KAZN: variants seen among roughly 807,000 people sequenced by gnomAD.
The protein encoded by KAZN is kazrin, periplakin interacting protein.
In KAZN, 40 loss-of-function variants were observed where a neutral mutation model predicts 87.4. The ratio of observed to expected loss-of-function variants is 0.46; its 90% CI spans 0.36 to 0.60. The LOEUF is 0.60. Among genes scored for constraint, KAZN ranks in the 20% least tolerant of loss-of-function variants. The pLI, the probability that KAZN is intolerant of heterozygous loss-of-function variation, is 0.00. For synonymous variants in KAZN, 466 were observed against 458.3 expected, an observed-to-expected ratio of 1.02 and a Z score of -0.22; for missense variants, 898 against 1,073.9, an observed-to-expected ratio of 0.84 and a Z score of 2.29.
At chr1:14,729,701 A>T (rs1019101451) in intron 1 of KAZN, among the ~76,000 whole-genome samples, 3 of 152,176 alleles carry the variant, frequency 2.0e-5, no homozygotes, top group African/African-American at 7.2e-5. Context: ...CTCGAAATGG[A>T]GAATGAGAGA....
chr1:14,717,751 G>A (rs991295229), intron 1 of KAZN, among the ~76,000 whole-genome samples: 5 of 152,218 alleles, frequency 3.3e-5, no homozygotes, highest in Non-Finnish European at 5.9e-5. Context: ...CTGTGGGGCT[G>A]ACATGGAAGG....
chr1:14,518,538 C>T (rs1041256570), intron 2 of KAZN, among the ~76,000 whole-genome samples: 2 of 152,152 alleles, frequency 1.3e-5, no homozygotes, highest in Non-Finnish European at 2.9e-5. Flanking sequence ...TGATTAGAGT[C>T]CCAGGTGATG....
intron 13 of KAZN, 52 bp from the exon 14 acceptor site, chr1:15,112,369 GTGTGTC>G (rs1641666721): frequency 7.8e-6 from 5 of 641,892 alleles, no homozygotes; most frequent in South Asian, 1.6e-5. Flanking sequence ...GTGTGTGTGT[GTGTGTC>G]TGGGGAGCTG....
At chr1:13,944,532 A>C (rs1432819363) in intron 1 of KAZN, among the ~76,000 whole-genome samples, 2 of 152,240 alleles carry the variant, frequency 1.3e-5, no homozygotes, top group African/African-American at 4.8e-5. Flanking sequence ...GATATACCTG[A>C]ATAAAGTTGT....
At chr1:14,245,467 A>G (rs896077372) in intron 2 of KAZN, among the ~76,000 whole-genome samples, 1 of 152,130 alleles carries the variant, frequency 6.6e-6, no homozygotes, top group South Asian at 2.1e-4. Flanking sequence ...GCATGGATGT[A>G]CCATAATTTA....
intron 2 of KAZN, among the ~76,000 whole-genome samples, chr1:14,234,299 C>G (rs926598225): frequency 2.6e-5 from 4 of 151,246 alleles, no homozygotes; most frequent in Admixed American, 2.0e-4. Flanking sequence ...CAAACTAACA[C>G]AAGAACAGAA....
intron 1 of KAZN, among the ~76,000 whole-genome samples, chr1:14,742,534 G>A (rs950702994): frequency 1.7e-4 from 26 of 152,114 alleles, no homozygotes; most frequent in African/African-American, 3.9e-4. Flanking sequence ...CAGTTCATCC[G>A]CCAGCAATAA....
chr1:14,683,310 T>C (rs1336550674), intron 1 of KAZN, among the ~76,000 whole-genome samples: 1 of 152,214 alleles, frequency 6.6e-6, no homozygotes, highest in African/African-American at 2.4e-5. Flanking sequence ...AGTTACAGCC[T>C]GTCTCAAAGA....
chr1:14,389,033 G>C (rs964881462), intron 2 of KAZN, among the ~76,000 whole-genome samples: 1 of 152,122 alleles, frequency 6.6e-6, no homozygotes, highest in African/African-American at 2.4e-5. Context: ...GATTAAAAAT[G>C]GGCAAAAGAT....
intron 2 of KAZN, among the ~76,000 whole-genome samples, chr1:14,427,481 A>G (rs2101355951): frequency 6.6e-6 from 1 of 152,150 alleles, no homozygotes. Flanking sequence ...GCCAAAAGTA[A>G]AGGAAAGTAA....
chr1:15,067,503 T>G, intron 8 of KAZN: 2 of 985,448 alleles, frequency 2.0e-6, no homozygotes, highest in Non-Finnish European at 2.4e-6. Context: ...TTCTTTTGCT[T>G]CTGCTCGTCC....
chr1:14,543,844 A>C (rs1216494159), intron 2 of KAZN, among the ~76,000 whole-genome samples: 2 of 152,218 alleles, frequency 1.3e-5, no homozygotes, highest in African/African-American at 4.8e-5. Flanking sequence ...AATAAGGAAT[A>C]AGATTATTAG....
At chr1:14,028,329 C>T (rs1441980738) in intron 1 of KAZN, among the ~76,000 whole-genome samples, 2 of 152,120 alleles carry the variant, frequency 1.3e-5, no homozygotes, top group African/African-American at 2.4e-5. Flanking sequence ...TCAAATTGGG[C>T]GTGACAGAAA....
rs569384038 is a variant in KAZN, at chr1:14,551,049, T to C, written c.250-47934T>C. On this transcript the variant is annotated intron_variant, in intron 2 of 16. Transcript: ENST00000636203. ...ATCCAGCAAATGGCCTGGTTAGAAA[T>C]TGAAATGCAAATAGCTATACATGAA... 2.6e-5 allele frequency among the ~76,000 whole-genome samples: 4 copies of C among 152,142 alleles called. 1 individual carries two copies. Among genetic ancestry groups the C allele is most frequent in the African/African-American group, 9.6e-5 (4 of 41,506 alleles).
chr1:15,048,712 G>GGGTCGTCA, intron 4 of KAZN, among the ~76,000 whole-genome samples: 1 of 146,320 alleles, frequency 6.8e-6, no homozygotes, highest in Non-Finnish European at 1.5e-5. Flanking sequence ...CTTGGTCGTT[G>GGGTCGTCA]GTCCTGGGTC....
At chr1:15,034,313 G>T (rs1672029139) in intron 2 of KAZN, among the ~76,000 whole-genome samples, 1 of 152,220 alleles carries the variant, frequency 6.6e-6, no homozygotes, top group African/African-American at 2.4e-5. Flanking sequence ...CGGAAGAAAT[G>T]AGGCAGGAGG....
chr1:14,294,158 G>A (rs192309718), intron 2 of KAZN, among the ~76,000 whole-genome samples: 51 of 152,262 alleles, frequency 3.3e-4, no homozygotes, highest in Admixed American at 2.4e-3. Flanking sequence ...TGAAGAACCC[G>A]TGCATTCTGA....
chr1:14,462,846 T>C (rs985392806), intron 2 of KAZN, among the ~76,000 whole-genome samples: 2 of 151,992 alleles, frequency 1.3e-5, no homozygotes, highest in African/African-American at 4.8e-5. Context: ...TCCTGCAGGC[T>C]CCCTCCCATG....
At chr1:14,886,745 C>T (rs1374961799) in intron 1 of KAZN, among the ~76,000 whole-genome samples, 2 of 151,914 alleles carry the variant, frequency 1.3e-5, no homozygotes, top group African/African-American at 2.4e-5. Flanking sequence ...GAGCCAAGAT[C>T]GTGCCGTTAT....
Sources: allele counts gnomAD v4.1 joint callset (sites outside exome capture counted in the v4.1 genomes callset), GRCh38; gene constraint gnomAD v4.1.1; transcripts MANE v1.5; gene names NCBI Gene and HGNC (gene_info 2026-07-23, HGNC 2026-07-21).